The following ASIC2 variants were observed in gnomAD, a reference collection of about 807,000 sequenced individuals.
ASIC2 encodes the protein acid-sensing ion channel 2.
Under a neutral mutation model 57.3 loss-of-function variants are expected in ASIC2, and 25 were observed. That is an observed-to-expected ratio of 0.44 (90% CI 0.32 to 0.61). ASIC2 has a LOEUF of 0.61. Among genes scored for constraint, ASIC2 ranks in the 20% least tolerant of loss-of-function variants. The pLI, the probability that ASIC2 is intolerant of heterozygous loss-of-function variation, is 0.06. For synonymous variants in ASIC2, 319 were observed against 307.5 expected (o/e 1.04, Z -0.39); for missense variants, 641 against 738.1 (o/e 0.87, Z 1.52).
chr17:33,260,837 G>A (rs1021721699), intron 1 of ASIC2, among the ~76,000 whole-genome samples: 9 of 152,148 alleles, frequency 5.9e-5, no homozygotes, highest in African/African-American at 2.2e-4. Context: ...GCCCCAGTGC[G>A]TCTGCATGTA....
At chr17:33,415,577 C>G (rs982056432) in intron 1 of ASIC2, among the ~76,000 whole-genome samples, 1 of 152,028 alleles carries the variant, frequency 6.6e-6, no homozygotes, top group African/African-American at 2.4e-5. Flanking sequence ...CCAAATCCCT[C>G]GCTGCCCACT....
At chr17:34,117,684 C>T (rs1911468142) in intron 1 of ASIC2, among the ~76,000 whole-genome samples, 1 of 151,932 alleles carries the variant, frequency 6.6e-6, no homozygotes. Context: ...AGGCTGGATT[C>T]AAGATATGTT....
intron 1 of ASIC2, among the ~76,000 whole-genome samples, chr17:33,719,716 G>C (rs774092772): frequency 3.9e-5 from 6 of 152,182 alleles, no homozygotes; most frequent in Non-Finnish European, 8.8e-5. Flanking sequence ...CTTGAGTTGG[G>C]TGTGAGGCAA....
chr17:34,095,607 T>TA (rs1910490566), intron 1 of ASIC2, among the ~76,000 whole-genome samples: 7 of 96,148 alleles, frequency 7.3e-5, no homozygotes, highest in Non-Finnish European at 1.3e-4. Flanking sequence ...CAGGCAAATT[T>TA]TATATATATA....
At chr17:33,317,159 G>T (rs1906690095) in intron 1 of ASIC2, among the ~76,000 whole-genome samples, 1 of 152,212 alleles carries the variant, frequency 6.6e-6, no homozygotes, top group Non-Finnish European at 1.5e-5. Context: ...CAAGAAGTTT[G>T]CATGCTGTTT....
chr17:33,889,232 C>A lies in ASIC2; in HGVS notation c.555+266746G>T, dbSNP rs576517670. Among the ~76,000 whole-genome samples the A allele has an allele frequency of 1.4e-4, 22 of 152,130 alleles. No individual in the cohort carries two copies. The South Asian group carries it at 2.7e-3, about 19-fold the overall frequency. ...CTCCTTGGAGAGCATCTGGTTCAAC[C>A]CCCCCTCGTTTTTCAGATGAAGAAC... On this transcript the variant is annotated intron_variant, in intron 1 of 9. Coordinates refer to the ASIC2 transcript ENST00000359872.
chr17:34,071,817 G>A (rs189146980), intron 1 of ASIC2: 32 of 104,382 alleles, frequency 3.1e-4, no homozygotes, highest in African/African-American at 9.8e-4. Flanking sequence ...ACAACAGAGC[G>A]AGACTCCATC....
At chr17:33,559,056 C>A (rs527265905) in intron 1 of ASIC2, among the ~76,000 whole-genome samples, 1 of 152,294 alleles carries the variant, frequency 6.6e-6, no homozygotes, top group South Asian at 2.1e-4. Context: ...CCATGCCTGG[C>A]TGACATGGTC....
chr17:34,031,406 T>TG (rs1907606405), intron 1 of ASIC2, among the ~76,000 whole-genome samples: 1 of 151,516 alleles, frequency 6.6e-6, no homozygotes, highest in Non-Finnish European at 1.5e-5. Flanking sequence ...ACCACAAAGA[T>TG]GGGAAAAAAA....
intron 1 of ASIC2, among the ~76,000 whole-genome samples, chr17:34,108,974 ATATCT>A (rs1567825229): frequency 6.6e-6 from 1 of 151,658 alleles, no homozygotes; most frequent in Non-Finnish European, 1.5e-5. Flanking sequence ...TTTGCATGGA[ATATCT>A]TATCTTTTTA....
At chr17:33,882,187 G>A (rs900938913) in intron 1 of ASIC2, among the ~76,000 whole-genome samples, 3 of 152,196 alleles carry the variant, frequency 2.0e-5, no homozygotes, top group Admixed American at 6.5e-5. Context: ...TACCATTCGG[G>A]ACATAGGCAT....
chr17:33,031,526 C>T (rs192658828), intron 3 of ASIC2, among the ~76,000 whole-genome samples: 4 of 152,124 alleles, frequency 2.6e-5, no homozygotes, highest in Non-Finnish European at 5.9e-5. Context: ...AATCAATGTT[C>T]GATTTTGTTG....
At chr17:33,032,128 G>T (rs928490176) in intron 3 of ASIC2, among the ~76,000 whole-genome samples, 3 of 152,056 alleles carry the variant, frequency 2.0e-5, no homozygotes, top group African/African-American at 7.2e-5. Context: ...GATATAGTTC[G>T]GTTGAAGTTA....
chr17:34,028,563 T>C (rs1182980212), intron 1 of ASIC2, among the ~76,000 whole-genome samples: 2 of 152,234 alleles, frequency 1.3e-5, no homozygotes, highest in East Asian at 1.9e-4. Flanking sequence ...TAATAATGCA[T>C]GGATGCTATC....
At chr17:33,520,739 G>A (rs1914716417) in intron 1 of ASIC2, among the ~76,000 whole-genome samples, 2 of 152,236 alleles carry the variant, frequency 1.3e-5, no homozygotes, top group Non-Finnish European at 2.9e-5. Context: ...TTGCTTCACA[G>A]CAAATGTATC....
chr17:33,950,500 C>T (rs187879649), intron 1 of ASIC2, among the ~76,000 whole-genome samples: 34 of 152,348 alleles, frequency 2.2e-4, no homozygotes, highest in Non-Finnish European at 4.0e-4. Context: ...ACCCAAACGA[C>T]GGATCCCCCT....
chr17:34,155,175 C>A (rs1904669085), intron 1 of ASIC2, among the ~76,000 whole-genome samples: 1 of 152,036 alleles, frequency 6.6e-6, no homozygotes, highest in South Asian at 2.1e-4. Flanking sequence ...AGAGAGAAAA[C>A]CGAGCCTTTG....
At chr17:33,551,833 T>C (rs1915760839) in intron 1 of ASIC2, among the ~76,000 whole-genome samples, 1 of 152,116 alleles carries the variant, frequency 6.6e-6, no homozygotes, top group South Asian at 2.1e-4. Flanking sequence ...GCCACTCACC[T>C]CTCTAACCTC....
intron 1 of ASIC2, among the ~76,000 whole-genome samples, chr17:33,932,265 T>A (rs1915947953): frequency 6.6e-6 from 1 of 152,230 alleles, no homozygotes; most frequent in African/African-American, 2.4e-5. Flanking sequence ...GAAACATGGC[T>A]GGTCTAAACT....
Sources: allele counts gnomAD v4.1 joint callset (sites outside exome capture counted in the v4.1 genomes callset), GRCh38; gene constraint gnomAD v4.1.1; transcripts MANE v1.5; gene names NCBI Gene and HGNC (gene_info 2026-07-23, HGNC 2026-07-21).